The following ITFG1 variants were observed in gnomAD, a reference collection of about 807,000 sequenced individuals.
ITFG1 encodes the protein integrin alpha FG-GAP repeat containing 1, also known as T-cell immunomodulatory protein.
A neutral mutation model predicts 81.8 loss-of-function variants in ITFG1; 34 were observed. That is an observed-to-expected ratio of 0.42 (90% CI 0.32 to 0.55). The LOEUF is 0.55. Ranked by LOEUF, ITFG1 falls within the 20% of genes least tolerant of loss-of-function variation. ITFG1 has a pLI of 0.17. For synonymous variants in ITFG1, 285 were observed against 270.6 expected, an observed-to-expected ratio of 1.05 and a Z score of -0.52; for missense variants, 672 against 755.4, an observed-to-expected ratio of 0.89 and a Z score of 1.29.
intron 10 of ITFG1, among the ~76,000 whole-genome samples, chr16:47,272,193 G>A (rs1966349988): frequency 6.6e-6 from 1 of 152,162 alleles, no homozygotes; most frequent in African/African-American, 2.4e-5. Context: ...TATACAAGAT[G>A]TTCAGAACAG....
At chr16:47,289,829 C>G (rs1966887144) in intron 10 of ITFG1, among the ~76,000 whole-genome samples, 1 of 151,932 alleles carries the variant, frequency 6.6e-6, no homozygotes, top group East Asian at 1.9e-4. Context: ...GTTTTGTAGT[C>G]TCAATTAGTA....
chr16:47,398,345 G>GCATAAAC (rs1387007323), intron 6 of ITFG1, among the ~76,000 whole-genome samples: 1 of 152,144 alleles, frequency 6.6e-6, no homozygotes, highest in Non-Finnish European at 1.5e-5. Flanking sequence ...GAAAAAGTGA[G>GCATAAAC]CATAAACCAT....
intron 6 of ITFG1, among the ~76,000 whole-genome samples, chr16:47,399,295 C>T (rs959426017): frequency 1.3e-5 from 2 of 152,126 alleles, no homozygotes; most frequent in Admixed American, 6.5e-5. Flanking sequence ...AGAAAGTGGC[C>T]GGGTGCAGTG....
At chr16:47,156,686 G>T (rs1311470049) in intron 17 of ITFG1, among the ~76,000 whole-genome samples, 1 of 152,134 alleles carries the variant, frequency 6.6e-6, no homozygotes, top group Non-Finnish European at 1.5e-5. Flanking sequence ...GAAAAGACAG[G>T]GAAAGCATTT....
At chr16:47,239,122 G>T (rs1275068859) in intron 12 of ITFG1, among the ~76,000 whole-genome samples, 1 of 152,146 alleles carries the variant, frequency 6.6e-6, no homozygotes, top group African/African-American at 2.4e-5. Context: ...CACTGAATTT[G>T]CCAGTGCCTT....
intron 10 of ITFG1, among the ~76,000 whole-genome samples, chr16:47,304,431 CA>C (rs1269054963): frequency 2.0e-5 from 3 of 152,132 alleles, no homozygotes; most frequent in Non-Finnish European, 4.4e-5. Flanking sequence ...AACTGAGATC[CA>C]AAGTACATGA....
At chr16:47,442,710 G>A (rs1969269646) in intron 5 of ITFG1, among the ~76,000 whole-genome samples, 1 of 152,174 alleles carries the variant, frequency 6.6e-6, no homozygotes. Context: ...GGAGAAAGCT[G>A]AAACTGGATC....
chr16:47,367,171 T>C (rs1444987663), intron 7 of ITFG1, among the ~76,000 whole-genome samples: 2 of 152,116 alleles, frequency 1.3e-5, no homozygotes, highest in Non-Finnish European at 1.5e-5. Context: ...AAGAGATGAG[T>C]AGGGCGAGGT....
chr16:47,424,203 GT>G (rs532963581), intron 6 of ITFG1, among the ~76,000 whole-genome samples: 54 of 151,832 alleles, frequency 3.6e-4, no homozygotes, highest in Non-Finnish European at 6.3e-4. Context: ...GATACTCTTT[GT>G]TCCACTTGAT....
chr16:47,257,378 C>T (rs1324684901), intron 12 of ITFG1, among the ~76,000 whole-genome samples: 2 of 152,106 alleles, frequency 1.3e-5, no homozygotes, highest in Non-Finnish European at 2.9e-5. Flanking sequence ...ATATCCTCTA[C>T]AGCCATCTTA....
At chr16:47,206,896 C>T (rs1255813288) in intron 14 of ITFG1, among the ~76,000 whole-genome samples, 1 of 152,206 alleles carries the variant, frequency 6.6e-6, no homozygotes. Flanking sequence ...CCTAAGTTTT[C>T]TACCCAAGAG....
chr16:47,303,403 T>C (rs891831209), intron 10 of ITFG1, among the ~76,000 whole-genome samples: 1 of 152,200 alleles, frequency 6.6e-6, no homozygotes, highest in African/African-American at 2.4e-5. Flanking sequence ...GAGAGATGTA[T>C]CTTGCTACCA....
chr16:47,253,818 G>T (rs186521078), intron 12 of ITFG1, among the ~76,000 whole-genome samples: 1 of 152,132 alleles, frequency 6.6e-6, no homozygotes, highest in Non-Finnish European at 1.5e-5. Flanking sequence ...AGCTTTGCTC[G>T]CCCTCCGGCC....
chr16:47,237,935 C>T, intron 13 of ITFG1, 30 bp downstream of exon 13: 4 of 971,574 alleles, frequency 4.1e-6, no homozygotes, highest in Non-Finnish European at 6.3e-6. Flanking sequence ...TTTTCATAGA[C>T]ATATTTATAA....
intron 14 of ITFG1, among the ~76,000 whole-genome samples, chr16:47,211,279 G>A (rs549180845): frequency 8.5e-5 from 13 of 152,262 alleles, no homozygotes; most frequent in Non-Finnish European, 1.6e-4. Context: ...CATTTTTTGA[G>A]TGATTGAGAA....
At chr16:47,439,399 T>G (rs887321579) in intron 5 of ITFG1, among the ~76,000 whole-genome samples, 4 of 151,936 alleles carry the variant, frequency 2.6e-5, no homozygotes, top group South Asian at 2.1e-4. Context: ...TCACCAAAGT[T>G]GAAATGAAAG....
intron 9 of ITFG1, 111 bp from the exon 10 acceptor site, chr16:47,311,523 C>T (rs1163399102): frequency 1.3e-6 from 1 of 745,614 alleles, no homozygotes; most frequent in Non-Finnish European, 2.0e-6. Context: ...TTTTACTTAA[C>T]TTTTTTATCT....
chr16:47,260,412 A>T (rs1966195459), intron 11 of ITFG1, 133 bp downstream of exon 11: 4 of 882,484 alleles, frequency 4.5e-6, no homozygotes, highest in African/African-American at 1.7e-5. Flanking sequence ...TAACATTAAA[A>T]GGGGCTTTCC....
In ITFG1 at chr16:47,396,716, G is replaced by C. The variant is rs1968598924; in HGVS notation, c.656-20776C>G. ...AGGGATGAGTGGATATAAAGTAGCA[G>C]GATCAGTGGACTGCAGGCCCCAGTG... On this transcript the variant is annotated intron_variant, in intron 6 of 17. Coordinates refer to ENST00000320640, the MANE Select transcript of ITFG1 (RefSeq NM_030790.5). Among the ~76,000 whole-genome samples, 3 of 152,172 alleles carry C rather than the reference G, an allele frequency of 2.0e-5. No individual in the cohort carries two copies. The South Asian group carries it at 6.2e-4, about 32-fold the overall frequency.
Sources: allele counts gnomAD v4.1 joint callset (sites outside exome capture counted in the v4.1 genomes callset), GRCh38; gene constraint gnomAD v4.1.1; transcripts MANE v1.5; gene names NCBI Gene and HGNC (gene_info 2026-07-23, HGNC 2026-07-21).